KCNMA1: variants seen among roughly 807,000 people sequenced by gnomAD.
The protein encoded by KCNMA1 is Calcium-activated potassium channel subunit alpha-1.
KCNMA1 carries 29 observed loss-of-function variants against 140.0 expected under a neutral mutation model. The observed-to-expected ratio is 0.21, with a 90% CI of 0.15 to 0.28. KCNMA1 has a LOEUF of 0.28. Among genes scored for constraint, KCNMA1 ranks in the 10% least tolerant of loss-of-function variants. The pLI is 1.00. For synonymous variants in KCNMA1, 612 were observed against 611.9 expected, an observed-to-expected ratio of 1.00 and a Z score of 0.00; for missense variants, 880 against 1,602.2, an observed-to-expected ratio of 0.55 and a Z score of 7.70.
At chr10:77,096,246 G>A (rs2096929383) in intron 9 of KCNMA1, among the ~76,000 whole-genome samples, 2 of 152,124 alleles carry the variant, frequency 1.3e-5, no homozygotes, top group South Asian at 4.1e-4. Flanking sequence ...GGAGACTGGG[G>A]GGCGAGTTCT....
At chr10:77,611,590 C>G (rs992159215) in intron 1 of KCNMA1, among the ~76,000 whole-genome samples, 10 of 152,318 alleles carry the variant, frequency 6.6e-5, no homozygotes, top group African/African-American at 2.2e-4. Flanking sequence ...TCCCTCATAC[C>G]CAGCCCGGCA....
At chr10:77,480,977 G>C (rs908538528) in intron 1 of KCNMA1, among the ~76,000 whole-genome samples, 2 of 151,450 alleles carry the variant, frequency 1.3e-5, no homozygotes, top group Non-Finnish European at 2.9e-5. Flanking sequence ...AAAAATAGCC[G>C]GAGGTAGTGG....
intron 1 of KCNMA1, among the ~76,000 whole-genome samples, chr10:77,623,210 A>G (rs1356296288): frequency 1.3e-5 from 2 of 152,230 alleles, no homozygotes; most frequent in African/African-American, 2.4e-5. Flanking sequence ...GATTTGCATG[A>G]TAACATTTCA....
chr10:76,914,922 A>G lies in KCNMA1; in HGVS notation c.3016+14T>C. On this transcript the variant is annotated intron_variant, in intron 24 of 27. Transcript: ENST00000286628. ...AGAACAAAAACTCCCCCCAAAGCTGACATTGACCCCTACCTAGTTCAGTGA... is the reference window on the plus strand; with the variant it reads ...AGAACAAAAACTCCCCCCAAAGCTGGCATTGACCCCTACCTAGTTCAGTGA... 1 of 1,562,450 alleles carries G rather than the reference A, an allele frequency of 6.4e-7. No individual in the cohort carries two copies. The highest frequency in any genetic ancestry group is 8.8e-7 in the Non-Finnish European group (1 of 1,133,182).
At chr10:76,910,189 A>C (rs1481649165) in intron 24 of KCNMA1, 93 bp from the exon 25 acceptor site, 2 of 1,423,478 alleles carry the variant, frequency 1.4e-6, no homozygotes, top group Non-Finnish European at 2.0e-6. Context: ...GAAATACTGA[A>C]GTCATTGAGA....
At chr10:76,878,664 G>A (rs1184366181) in intron 29 of KCNMA1, among the ~76,000 whole-genome samples, 1 of 152,232 alleles carries the variant, frequency 6.6e-6, no homozygotes, top group East Asian at 1.9e-4. Context: ...GCTCAATGAA[G>A]TCTTGGCATT....
intron 1 of KCNMA1, among the ~76,000 whole-genome samples, chr10:77,600,163 A>G (rs2082178752): frequency 6.6e-6 from 1 of 152,226 alleles, no homozygotes; most frequent in African/African-American, 2.4e-5. Flanking sequence ...CTATTCCAAA[A>G]TGGAACAACA....
chr10:76,897,219 C>T (rs948942821), intron 25 of KCNMA1, among the ~76,000 whole-genome samples: 1 of 149,594 alleles, frequency 6.7e-6, no homozygotes, highest in Non-Finnish European at 1.5e-5. Context: ...AAAATGCAAG[C>T]GTGTAAAACA....
At chr10:77,204,111 A>G (rs78706375) in intron 3 of KCNMA1, among the ~76,000 whole-genome samples, 1 of 151,902 alleles carries the variant, frequency 6.6e-6, no homozygotes, top group Non-Finnish European at 1.5e-5. Flanking sequence ...AAAAAAAAAA[A>G]AGAAAGAAAG....
chr10:76,869,707 G>A (rs2030833053), exon 28 of KCNMA1: 1 of 152,588 alleles, frequency 6.6e-6, no homozygotes, highest in Non-Finnish European at 1.5e-5. Context: ...GTTATCACTG[G>A]TTGTTACAGA....
At chr10:76,954,977 G>T (rs1285075542) in intron 20 of KCNMA1, among the ~76,000 whole-genome samples, 3 of 152,106 alleles carry the variant, frequency 2.0e-5, no homozygotes, top group Non-Finnish European at 4.4e-5. Flanking sequence ...TCAGCACCTC[G>T]GGTTTGGGAA....
At chr10:77,524,657 C>T (rs1021223068) in intron 1 of KCNMA1, among the ~76,000 whole-genome samples, 2 of 152,178 alleles carry the variant, frequency 1.3e-5, no homozygotes, top group African/African-American at 4.8e-5. Flanking sequence ...AAATACCAGG[C>T]ACACTGATGC....
intron 1 of KCNMA1, among the ~76,000 whole-genome samples, chr10:77,551,345 A>T (rs879618562): frequency 2.0e-5 from 3 of 152,234 alleles, no homozygotes; most frequent in Non-Finnish European, 4.4e-5. Context: ...TATGTCACAG[A>T]CAGAGGCACA....
chr10:77,043,160 C>T (rs1044856345), intron 14 of KCNMA1, among the ~76,000 whole-genome samples: 5 of 152,106 alleles, frequency 3.3e-5, no homozygotes, highest in African/African-American at 1.2e-4. Flanking sequence ...TGTAGACCTG[C>T]GGATAGTCTC....
chr10:77,252,712 C>T (rs2059916313), intron 2 of KCNMA1, among the ~76,000 whole-genome samples: 2 of 152,116 alleles, frequency 1.3e-5, no homozygotes, highest in African/African-American at 4.8e-5. Context: ...TGCAAAACTG[C>T]ATGGAGCTCC....
chr10:77,086,343 TG>T (rs1198146033), intron 11 of KCNMA1, 144 bp downstream of exon 11: 3 of 703,692 alleles, frequency 4.3e-6, no homozygotes, highest in Admixed American at 2.0e-5. Context: ...ACCTCAAGGT[TG>T]CTGGTATGTG....
chr10:77,164,304 T>C (rs2098607532), intron 5 of KCNMA1, among the ~76,000 whole-genome samples: 1 of 152,166 alleles, frequency 6.6e-6, no homozygotes, highest in Admixed American at 6.5e-5. Flanking sequence ...TCAAGGTCTT[T>C]GGCATAAAGG....
intron 3 of KCNMA1, among the ~76,000 whole-genome samples, chr10:77,210,041 G>A (rs2045524823): frequency 6.6e-6 from 1 of 151,984 alleles, no homozygotes; most frequent in African/African-American, 2.4e-5. Context: ...GAGGAGGAAG[G>A]GCTCCTCCCT....
At position 77,388,852 on chromosome 10, in the gene KCNMA1, G is replaced by GT. The variant is rs951418974; in HGVS notation, c.540+15009dup. ...TGGCTTGCTGAATTGCCTTTACAAGGTTTTTTTCTGTAAGACAACAACTGA... is the reference window on the plus strand; with the variant it reads ...TGGCTTGCTGAATTGCCTTTACAAGGTTTTTTTTCTGTAAGACAACAACTGA... On this transcript the variant is annotated intron_variant, in intron 2 of 27. Transcript: ENST00000286628. Among the ~76,000 whole-genome samples, 108 of 152,222 alleles carry GT rather than the reference G, an allele frequency of 7.1e-4. 1 individual carries two copies. Among genetic ancestry groups the GT allele is most frequent in the African/African-American group, 2.4e-3 (98 of 41,544 alleles).
Sources: allele counts gnomAD v4.1 joint callset (sites outside exome capture counted in the v4.1 genomes callset), GRCh38; gene constraint gnomAD v4.1.1; transcripts MANE v1.5; gene names NCBI Gene and HGNC (gene_info 2026-07-23, HGNC 2026-07-21).